Variants in PAK2 observed in about 807,000 individuals in gnomAD.
PAK2 encodes the protein p21 (RAC1) activated kinase 2.
A neutral mutation model predicts 65.9 loss-of-function variants in PAK2; 21 were observed. The ratio of observed to expected loss-of-function variants is 0.32; its 90% CI spans 0.23 to 0.46. The LOEUF (loss-of-function observed/expected upper bound fraction) is 0.46, where lower values mean the gene tolerates loss of function less well. Among genes scored for constraint, PAK2 ranks in the 20% least tolerant of loss-of-function variants. The probability of loss-of-function intolerance (pLI) is 1.00; values close to 1 mark genes in which losing one functional copy is unlikely to be tolerated. For missense variants in PAK2, 324 were observed against 642.6 expected (o/e 0.50, Z 5.36); for synonymous variants, 204 against 219.7 (o/e 0.93, Z 0.63).
At chr3:196,815,424 A>G (rs73076604) in intron 11 of PAK2, among the ~76,000 whole-genome samples, 3,638 of 149,558 alleles carry the variant, frequency 0.024, 134 homozygotes, top group African/African-American at 0.081. Context: ...CTGAGGAGGC[A>G]GACATTGCAG....
At chr3:196,800,527 C>T (rs1291147082) in intron 2 of PAK2, among the ~76,000 whole-genome samples, 1 of 152,048 alleles carries the variant, frequency 6.6e-6, no homozygotes, top group African/African-American at 2.4e-5. Context: ...CAGAGGACCT[C>T]GATTACCCAA....
rs572578909 is a variant in PAK2, at chr3:196,784,235, T to G, written c.187+1402T>G. 5.8e-4 allele frequency among the ~76,000 whole-genome samples: 71 copies of G among 122,434 alleles called. 1 individual carries two copies. In the East Asian group the frequency reaches 0.011, roughly 20 times the overall value. The allele number at this position is 122,434 out of a possible 152,430, so 80.3% of individuals were successfully genotyped here. On this transcript the variant is annotated intron_variant, in intron 2 of 14. Coordinates refer to ENST00000327134, the MANE Select transcript of PAK2 (RefSeq NM_002577.4). ...TAATTTTTTTTTTCTTTTTTTTTTTTTTAATTATACTTTAAGTTTTAGGGT... is the reference window on the plus strand; with the variant it reads ...TAATTTTTTTTTTCTTTTTTTTTTTGTTAATTATACTTTAAGTTTTAGGGT...
chr3:196,827,596 C>A (rs1009537537), intron 14 of PAK2: 2 of 188,590 alleles, frequency 1.1e-5, no homozygotes, highest in African/African-American at 2.4e-5. Flanking sequence ...CACACCGGGG[C>A]CTGTTGTGGG....
At chr3:196,808,930 A>G (rs1715680458) in intron 7 of PAK2, among the ~76,000 whole-genome samples, 1 of 149,012 alleles carries the variant, frequency 6.7e-6, no homozygotes, top group African/African-American at 2.4e-5. Flanking sequence ...AAAATACTGT[A>G]TGGAAGGATT....
intron 13 of PAK2, among the ~76,000 whole-genome samples, chr3:196,826,919 TCAA>T (rs773536044): frequency 5.3e-5 from 8 of 151,090 alleles, no homozygotes; most frequent in Non-Finnish European, 8.8e-5. Flanking sequence ...AGATTCCGTC[TCAA>T]CAAAAAAAAA....
chr3:196,754,461 G>A (rs748948309), intron 1 of PAK2, among the ~76,000 whole-genome samples: 4 of 152,048 alleles, frequency 2.6e-5, no homozygotes, highest in South Asian at 2.1e-4. Context: ...CACAGCTCCC[G>A]GCCTGATTTC....
intron 1 of PAK2, among the ~76,000 whole-genome samples, chr3:196,765,898 ATCT>A (rs1714147445): frequency 6.7e-6 from 1 of 149,958 alleles, no homozygotes; most frequent in South Asian, 2.1e-4. Flanking sequence ...TAAAATTAGT[ATCT>A]TCTTTTTTTT....
At chr3:196,799,364 CTCTGTT>C (rs1295463872) in intron 2 of PAK2, among the ~76,000 whole-genome samples, 27 of 152,310 alleles carry the variant, frequency 1.8e-4, no homozygotes, top group African/African-American at 4.3e-4. Flanking sequence ...ATAACTACTG[CTCTGTT>C]TCTAAGTGTC....
intron 1 of PAK2, among the ~76,000 whole-genome samples, chr3:196,758,096 A>C (rs1357287): frequency 6.6e-6 from 1 of 152,064 alleles, no homozygotes; most frequent in Non-Finnish European, 1.5e-5. Context: ...CATTCAAGAA[A>C]TAATGACTCA....
chr3:196,832,388 G>C lies in PAK2; in HGVS notation c.*3983G>C, dbSNP rs374193465. ...TGCCTTTTATTTTTAATTTAATCCC[G>C]TTCAATTATTTAATTGTTATACATT... On this transcript the variant is annotated 3_prime_UTR_variant, in exon 15 of 15. Transcript: ENST00000327134. 6.6e-6 allele frequency: 1 copy of C among 151,464 alleles called. No individual in the cohort carries two copies. Among genetic ancestry groups the C allele is most frequent in the East Asian group, 1.9e-4 (1 of 5,182 alleles). The allele number at this position is 151,464 out of a possible 1,614,324, so 9.4% of individuals were successfully genotyped here.
At chr3:196,762,382 G>A (rs1331774162) in intron 1 of PAK2, among the ~76,000 whole-genome samples, 3 of 143,200 alleles carry the variant, frequency 2.1e-5, no homozygotes, top group East Asian at 4.0e-4. Flanking sequence ...CCGAGATCAC[G>A]CCACTGCACT....
At chr3:196,819,277 A>G (rs546126647) in intron 12 of PAK2, among the ~76,000 whole-genome samples, 1 of 152,166 alleles carries the variant, frequency 6.6e-6, no homozygotes, top group Non-Finnish European at 1.5e-5. Context: ...CTCCATCTCT[A>G]CTAAAAATAC....
At chr3:196,790,951 T>C (rs973199041) in intron 2 of PAK2, among the ~76,000 whole-genome samples, 1 of 152,222 alleles carries the variant, frequency 6.6e-6, no homozygotes, top group South Asian at 2.1e-4. Context: ...TATCTGTACC[T>C]TAAGCTCTCT....
intron 11 of PAK2, among the ~76,000 whole-genome samples, chr3:196,815,142 T>C (rs1231410734): frequency 8.6e-5 from 13 of 150,618 alleles, no homozygotes; most frequent in Admixed American, 3.3e-4. Context: ...ATCACACCAC[T>C]GCACTCCAGC....
intron 1 of PAK2, among the ~76,000 whole-genome samples, chr3:196,763,979 T>G (rs1232013834): frequency 1.3e-5 from 2 of 149,094 alleles, no homozygotes; most frequent in African/African-American, 2.5e-5. Flanking sequence ...TTTTTTTTTT[T>G]GTATTTTTAG....
intron 1 of PAK2, among the ~76,000 whole-genome samples, chr3:196,766,140 C>T (rs556601709): frequency 7.2e-5 from 11 of 152,208 alleles, no homozygotes; most frequent in African/African-American, 2.6e-4. Context: ...CATGATCCGC[C>T]CGCCTCGACC....
intron 2 of PAK2, among the ~76,000 whole-genome samples, chr3:196,798,128 G>A (rs1253102707): frequency 6.6e-6 from 1 of 152,022 alleles, no homozygotes; most frequent in Non-Finnish European, 1.5e-5. Context: ...AATGAAATAG[G>A]GGGAAAAAGC....
chr3:196,815,785 CAA>C (rs111479984), intron 11 of PAK2, among the ~76,000 whole-genome samples: 2 of 131,738 alleles, frequency 1.5e-5, no homozygotes, highest in Admixed American at 7.8e-5. Context: ...GACTCCGTCT[CAA>C]AAAAAAAAAA....
At chr3:196,748,419 A>G (rs981459055) in intron 1 of PAK2, among the ~76,000 whole-genome samples, 1 of 152,186 alleles carries the variant, frequency 6.6e-6, no homozygotes, top group Non-Finnish European at 1.5e-5. Flanking sequence ...ATGTATAACA[A>G]CATGTCTCCA....
Sources: gnomAD v4.1 joint callset for allele counts (sites outside exome capture counted in the v4.1 genomes callset) on GRCh38, gnomAD v4.1.1 for gene constraint, MANE v1.5 for transcripts, NCBI Gene and HGNC (gene_info 2026-07-23, HGNC 2026-07-21) for gene names.